The following REXO2 variants were observed in gnomAD, a reference collection of about 807,000 sequenced individuals.
REXO2 encodes oligoribonuclease, mitochondrial.
A neutral mutation model predicts 30.9 loss-of-function variants in REXO2; 17 were observed. The observed-to-expected ratio is 0.55, with a 90% CI of 0.38 to 0.82. REXO2 has a LOEUF of 0.82. REXO2 is among the 40% of genes least tolerant of loss of function. REXO2 has a pLI of 0.00. For missense variants in REXO2, 253 were observed against 293.2 expected (o/e 0.86, Z 1.00); for synonymous variants, 105 against 99.6 (o/e 1.05, Z -0.32).
rs751183005 is a variant in REXO2, at chr11:114,449,838, G to C, written c.585-8G>C. On this transcript the variant is annotated splice_region_variant and splice_polypyrimidine_tract_variant and intron_variant, in intron 6 of 6. Transcript: ENST00000265881. ...ACAGTTCATTCATTGTGGTATGTTT[G>C]CTTATAGGGCACTTGATGACATTAG... is the stretch of plus-strand genomic sequence containing the variant. 6.2e-7 allele frequency: 1 copy of C among 1,603,764 alleles called. No individual in the cohort carries two copies.
rs1162174492 is a variant in REXO2, at chr11:114,444,594, G to A, written c.363G>A (p.Glu121=). The change falls in exon 4 of 7, where the codon GAG becomes GAA. Residue 121 remains glutamate (E), a synonymous_variant. Coordinates refer to ENST00000265881, the MANE Select transcript of REXO2 (RefSeq NM_015523.4). ...KESTITLQQA[E]YEFLSFVRQQ... ...GTACAATTACATTGCAGCAGGCAGA[G>A]TATGAATTTCTGTCCTTTGTACGAC... 2 of 1,611,860 alleles carry A rather than the reference G, an allele frequency of 1.2e-6. No homozygotes were observed. The highest frequency in any genetic ancestry group is 2.2e-5 in the East Asian group (1 of 44,842).
At chr11:114,441,673 A>G (rs1946479021) in intron 2 of REXO2, 3 of 699,794 alleles carry the variant, frequency 4.3e-6, no homozygotes, top group Non-Finnish European at 7.8e-6. Flanking sequence ...AGAGGGTAGC[A>G]TTGATATGTT....
At chr11:114,439,786 A>G in intron 1 of REXO2, 111 bp downstream of exon 1, 2 of 1,332,410 alleles carry the variant, frequency 1.5e-6, no homozygotes, top group Non-Finnish European at 9.9e-7. Flanking sequence ...CAGGTGTGGC[A>G]GGTGAGCGCG....
chr11:114,441,204 G>T (rs1407975110), intron 2 of REXO2, among the ~76,000 whole-genome samples: 2 of 152,068 alleles, frequency 1.3e-5, no homozygotes, highest in Non-Finnish European at 2.9e-5. Context: ...TCAGTAAGGT[G>T]CTCCTAACAA....
chr11:114,450,040 A>G lies in REXO2; in HGVS notation c.*65A>G. ...CAACTTCTGGTGGTTTTTTTTTCTC[A>G]CGCTGATGGCTTGGCAGAGCACCTT... On this transcript the variant is annotated 3_prime_UTR_variant, in exon 7 of 7. Transcript: ENST00000265881. 1 of 1,510,968 alleles carries G rather than the reference A, an allele frequency of 6.6e-7. No individual in the cohort carries two copies. Among genetic ancestry groups the G allele is most frequent in the East Asian group, 2.4e-5 (1 of 41,736 alleles). 93.6% of individuals were successfully genotyped at this position (1,510,968 alleles called of 1,614,324 possible). A position where few individuals can be genotyped will look rare whatever the true frequency, so the allele number is the denominator to read the frequency against.
chr11:114,440,564 C>G (rs1946469805), intron 1 of REXO2, 92 bp from the exon 2 acceptor site: 2 of 936,098 alleles, frequency 2.1e-6, no homozygotes, highest in Non-Finnish European at 3.4e-6. Flanking sequence ...TACAAGCTGA[C>G]TATGTTTGAG....
At chr11:114,439,897 T>C (rs1031520987) in intron 1 of REXO2, 14 of 587,468 alleles carry the variant, frequency 2.4e-5, no homozygotes, top group South Asian at 6.3e-5. Context: ...GGAGGAGTCC[T>C]CCGTGTGGCT....
In REXO2 at chr11:114,443,873, A is replaced by G; in HGVS notation, c.249A>G (p.Ile83Met). ...NILAEGPNLI[I>M]KQPDELLDSM... ...ATCCACAGGGTCCTAACCTGATTATAAAACAACCAGATGAGTTGCTGGACA... is the reference window on the plus strand; with the variant it reads ...ATCCACAGGGTCCTAACCTGATTATGAAACAACCAGATGAGTTGCTGGACA... The change falls in exon 3 of 7, where the codon ATA becomes ATG. Residue 83 changes from isoleucine to methionine, a missense_variant. By Grantham distance (10) the Ile-to-Met change is conservative (BLOSUM62 1). Transcript: ENST00000265881. 6.2e-7 allele frequency: 1 copy of G among 1,608,558 alleles called. No homozygotes were observed. Among genetic ancestry groups the G allele is most frequent in the Non-Finnish European group, 8.5e-7 (1 of 1,177,354 alleles).
At chr11:114,440,585 T>C in intron 1 of REXO2, 71 bp from the exon 2 acceptor site, 1 of 1,150,754 alleles carries the variant, frequency 8.7e-7, no homozygotes, top group Non-Finnish European at 1.3e-6. Flanking sequence ...GGAATTCCTG[T>C]TAAATAAACT....
chr11:114,444,247 G>T, intron 3 of REXO2: 1 of 615,262 alleles, frequency 1.6e-6, no homozygotes, highest in Non-Finnish European at 3.0e-6. Flanking sequence ...GGGGATTGCT[G>T]CTCTCCTGTT....
chr11:114,444,386 G>A (rs1565270949), intron 3 of REXO2, 155 bp from the exon 4 acceptor site: 2 of 658,774 alleles, frequency 3.0e-6, no homozygotes, highest in Non-Finnish European at 5.4e-6. Flanking sequence ...AAAAAATGGT[G>A]CAAAGATGGC....
rs1946461250 is a variant in REXO2 at position 114,439,647 on chromosome 11, C to G, written c.119C>G (p.Ala40Gly). The change falls in exon 1 of 7, where the codon GCT becomes GGT. Residue 40 changes from alanine (A) to glycine (G), a missense_variant. Transcript: ENST00000265881. ...GAAMAAGESM[A>G]QRMVWVDLEM... ...GCCATGGCGGCAGGGGAGAGCATGG[C>G]TCAGCGGATGGTCTGGGTGGACCTG... The G allele has an allele frequency of 6.3e-7, 1 of 1,586,196 alleles. No homozygotes were observed. The highest frequency in any genetic ancestry group is 8.6e-7 in the Non-Finnish European group (1 of 1,168,848).
At chr11:114,444,070 T>C (rs1946497063) in intron 3 of REXO2, 137 bp downstream of exon 3, 2 of 715,478 alleles carry the variant, frequency 2.8e-6, no homozygotes, top group East Asian at 5.5e-5. Context: ...CCTGGGAAAC[T>C]GCTTGCTTGT....
chr11:114,444,080 T>C (rs891742161), intron 3 of REXO2, 147 bp downstream of exon 3: 1 of 702,688 alleles, frequency 1.4e-6, no homozygotes, highest in African/African-American at 1.8e-5. Flanking sequence ...TGCTTGCTTG[T>C]TTACTTTTCA....
chr11:114,439,493 C>T lies in REXO2; in HGVS notation c.-36C>T. On this transcript the variant is annotated 5_prime_UTR_variant, in exon 1 of 7. Transcript: ENST00000265881. Reference sequence around the variant, plus strand: ...ACTATTGCGCCTGCGCCAGCGCCGGCTGCGAGACTGGGGCCGTGGCTGCTG... The same window carrying T: ...ACTATTGCGCCTGCGCCAGCGCCGGTTGCGAGACTGGGGCCGTGGCTGCTG... 2 of 1,597,328 alleles carry T rather than the reference C, an allele frequency of 1.3e-6. No individual in the cohort carries two copies. Among genetic ancestry groups the T allele is most frequent in the Admixed American group, 1.7e-5 (1 of 59,210 alleles).
At chr11:114,447,916 C>T (rs922057504) in intron 6 of REXO2, 37 bp downstream of exon 6, 1 of 1,550,396 alleles carries the variant, frequency 6.4e-7, no homozygotes, top group Non-Finnish European at 8.9e-7. Flanking sequence ...TCCAGTCTGA[C>T]ACACACTTAA....
chr11:114,443,252 G>A (rs902396909), intron 2 of REXO2, among the ~76,000 whole-genome samples: 8 of 151,570 alleles, frequency 5.3e-5, no homozygotes, highest in African/African-American at 1.5e-4. Flanking sequence ...GACTGTAGGG[G>A]TGTGCCACCA....
At chr11:114,449,590 A>G (rs934078588) in intron 6 of REXO2, among the ~76,000 whole-genome samples, 2 of 152,118 alleles carry the variant, frequency 1.3e-5, no homozygotes, top group Non-Finnish European at 2.9e-5. Context: ...CCTGTGGAAC[A>G]TGTCGCCATC....
chr11:114,444,284 T>G, intron 3 of REXO2: 1 of 626,718 alleles, frequency 1.6e-6, no homozygotes, highest in South Asian at 1.5e-5. Context: ...CAGAGGTTAA[T>G]ATCCTTGGAC....
Sources: allele counts gnomAD v4.1 joint callset (sites outside exome capture counted in the v4.1 genomes callset), GRCh38; gene constraint gnomAD v4.1.1; transcripts MANE v1.5; gene names NCBI Gene and HGNC (gene_info 2026-07-23, HGNC 2026-07-21).